Variants in CHRM3 observed in about 807,000 individuals in gnomAD.
CHRM3 encodes cholinergic receptor muscarinic 3.
CHRM3 carries 11 observed loss-of-function variants against 41.8 expected under a neutral mutation model. The ratio of observed to expected loss-of-function variants is 0.26; its 90% CI spans 0.17 to 0.44. The LOEUF (loss-of-function observed/expected upper bound fraction) is 0.44, where lower values mean the gene tolerates loss of function less well. CHRM3 is among the 20% of genes least tolerant of loss of function. CHRM3 has a pLI of 1.00. For missense variants in CHRM3, 571 were observed against 745.4 expected, an observed-to-expected ratio of 0.77 and a Z score of 2.72; for synonymous variants, 297 against 301.4, an observed-to-expected ratio of 0.99 and a Z score of 0.15.
intron 2 of CHRM3, among the ~76,000 whole-genome samples, chr1:239,498,355 T>G (rs1202500297): frequency 6.6e-6 from 1 of 152,208 alleles, no homozygotes; most frequent in Non-Finnish European, 1.5e-5. Flanking sequence ...TTGGGTTTTA[T>G]GATCACTGTA....
At chr1:239,727,652 A>T (rs1164683786) in intron 5 of CHRM3, 4 of 151,654 alleles carry the variant, frequency 2.6e-5, no homozygotes, top group Admixed American at 2.6e-4. Context: ...AAAAGACCTC[A>T]CCTTTTGCTT....
At chr1:239,460,964 A>G (rs968179530) in intron 1 of CHRM3, among the ~76,000 whole-genome samples, 10 of 152,230 alleles carry the variant, frequency 6.6e-5, no homozygotes, top group African/African-American at 2.4e-4. Flanking sequence ...CAGCAAACAC[A>G]AAAGTGAAAT....
At chr1:239,500,246 A>C (rs1285336679) in intron 2 of CHRM3, among the ~76,000 whole-genome samples, 1 of 152,216 alleles carries the variant, frequency 6.6e-6, no homozygotes, top group Non-Finnish European at 1.5e-5. Flanking sequence ...GATTGGATTA[A>C]GAAAATGTGG....
intron 1 of CHRM3, among the ~76,000 whole-genome samples, chr1:239,484,544 G>C (rs1031769796): frequency 1.3e-5 from 2 of 151,976 alleles, no homozygotes; most frequent in African/African-American, 4.8e-5. Context: ...TATTAGAATG[G>C]AAGAAACAGC....
At chr1:239,451,947 C>T (rs924359087) in intron 1 of CHRM3, among the ~76,000 whole-genome samples, 9 of 152,062 alleles carry the variant, frequency 5.9e-5, no homozygotes, top group African/African-American at 2.2e-4. Context: ...AAAATATGCA[C>T]TTTAAACAGA....
chr1:239,808,914 A>G (rs538179273), intron 5 of CHRM3, among the ~76,000 whole-genome samples: 12 of 152,106 alleles, frequency 7.9e-5, no homozygotes, highest in African/African-American at 2.9e-4. Context: ...TCAAGTTCCC[A>G]CTTAAGCACT....
intron 4 of CHRM3, among the ~76,000 whole-genome samples, chr1:239,643,634 C>T (rs569864639): frequency 2.0e-5 from 3 of 152,302 alleles, no homozygotes; most frequent in East Asian, 1.9e-4. Context: ...GTGCAGTATT[C>T]GGGTGGGAGT....
chr1:239,667,269 C>A (rs376254782), intron 4 of CHRM3, among the ~76,000 whole-genome samples: 300 of 152,214 alleles, frequency 2.0e-3, no homozygotes, highest in African/African-American at 6.6e-3. Flanking sequence ...AGACACATTC[C>A]TTTTTCTTTT....
At chr1:239,431,329 T>G (rs1662818233) in intron 1 of CHRM3, among the ~76,000 whole-genome samples, 3 of 152,210 alleles carry the variant, frequency 2.0e-5, no homozygotes, top group Non-Finnish European at 4.4e-5. Context: ...TGCTTAATTG[T>G]TTTTCATTTG....
At chr1:239,603,293 G>A (rs992966810) in intron 3 of CHRM3, among the ~76,000 whole-genome samples, 1 of 152,020 alleles carries the variant, frequency 6.6e-6, no homozygotes, top group Admixed American at 6.6e-5. Flanking sequence ...TGAGAACATA[G>A]ACAAGTTAGC....
chr1:239,580,041 A>T (rs1184303034), intron 3 of CHRM3, among the ~76,000 whole-genome samples: 1 of 152,074 alleles, frequency 6.6e-6, no homozygotes, highest in Admixed American at 6.6e-5. Flanking sequence ...AGCTGCCCTC[A>T]TTTATGTGCC....
chr1:239,700,694 G>T (rs1222140611), intron 5 of CHRM3, among the ~76,000 whole-genome samples: 1 of 152,070 alleles, frequency 6.6e-6, no homozygotes, highest in East Asian at 1.9e-4. Context: ...ACTCGTTTTT[G>T]GTCCTTGAGT....
At chr1:239,710,195 T>G (rs1661626793) in intron 5 of CHRM3, among the ~76,000 whole-genome samples, 1 of 152,182 alleles carries the variant, frequency 6.6e-6, no homozygotes, top group African/African-American at 2.4e-5. Context: ...GTGTTATATG[T>G]ATAACTATAT....
intron 3 of CHRM3, among the ~76,000 whole-genome samples, chr1:239,558,496 A>G (rs1401397020): frequency 2.0e-5 from 3 of 152,180 alleles, no homozygotes; most frequent in Admixed American, 1.3e-4. Flanking sequence ...TCTTGTATTC[A>G]CCTAACATAC....
chr1:239,476,383 T>A (rs1666472073), intron 1 of CHRM3, among the ~76,000 whole-genome samples: 1 of 151,708 alleles, frequency 6.6e-6, no homozygotes, highest in South Asian at 2.1e-4. Flanking sequence ...GGAGAATTGC[T>A]TGAACCAGGA....
At chr1:239,416,612 A>G (rs1456451372) in intron 1 of CHRM3, among the ~76,000 whole-genome samples, 5 of 152,182 alleles carry the variant, frequency 3.3e-5, no homozygotes, top group African/African-American at 1.2e-4. Context: ...TTCAAGAACC[A>G]CTAATGTTTA....
chr1:239,644,480 A>T (rs1671558039), intron 4 of CHRM3, among the ~76,000 whole-genome samples: 1 of 152,160 alleles, frequency 6.6e-6, no homozygotes, highest in South Asian at 2.1e-4. Flanking sequence ...AATGTATTTG[A>T]GTTCCAGGTG....
At position 239,559,749 on chromosome 1, in the gene CHRM3, T is replaced by C. The variant is rs560923536; in HGVS notation, c.-313+14000T>C. ...TTGTTAAGGATACATAGTGCGTTAATTGTATAACTCCACATCTACATAACA... is the reference window on the plus strand; with the variant it reads ...TTGTTAAGGATACATAGTGCGTTAACTGTATAACTCCACATCTACATAACA... On this transcript the variant is annotated intron_variant, in intron 3 of 6. Transcript: ENST00000676153. Among the ~76,000 whole-genome samples, 3 of 152,300 alleles carry C rather than the reference T, an allele frequency of 2.0e-5. No homozygotes were observed. The South Asian group carries it at 6.2e-4, about 32-fold the overall frequency.
chr1:239,468,273 G>A (rs1238835858), intron 1 of CHRM3, among the ~76,000 whole-genome samples: 1 of 152,104 alleles, frequency 6.6e-6, no homozygotes, highest in East Asian at 1.9e-4. Context: ...GCTATAAGAT[G>A]ATTACTAAGG....
Sources: gnomAD v4.1 joint callset for allele counts (sites outside exome capture counted in the v4.1 genomes callset) on GRCh38, gnomAD v4.1.1 for gene constraint, MANE v1.5 for transcripts, NCBI Gene and HGNC (gene_info 2026-07-23, HGNC 2026-07-21) for gene names.